Variants in CCDC172 observed in about 807,000 individuals in gnomAD.
CCDC172 encodes coiled-coil domain-containing protein 172.
CCDC172 carries 30 observed loss-of-function variants against 38.0 expected under a neutral mutation model. The ratio of observed to expected loss-of-function variants is 0.79; its 90% CI spans 0.59 to 1.07. CCDC172 has a LOEUF of 1.07. Among genes scored for constraint, CCDC172 ranks in the 50% least tolerant of loss-of-function variants. The pLI is 0.00. For synonymous variants in CCDC172, 78 were observed against 88.3 expected (o/e 0.88, Z 0.66); for missense variants, 297 against 290.1 (o/e 1.02, Z -0.17).
chr10:116,346,077 A>G (rs1480678085), intron 5 of CCDC172, among the ~76,000 whole-genome samples: 1 of 151,958 alleles, frequency 6.6e-6, no homozygotes. Flanking sequence ...GGCGGATCAC[A>G]AGGTCAGGAG....
rs72839536 is a variant in CCDC172, at chr10:116,346,033, C to T, written c.448+3832C>T. Among the ~76,000 whole-genome samples, 693 of 152,048 alleles carry T rather than the reference C, an allele frequency of 4.6e-3. 1 individual carries two copies. The highest frequency in any genetic ancestry group is 7.1e-3 in the Non-Finnish European group (481 of 67,980). The stretch of plus-strand genomic sequence containing the variant: ...AAAAATTGAACATAACTTAAATGTC[C>T]GTTAAGAAGTGAATGGTTTCGGAGG... On this transcript the variant is annotated intron_variant, in intron 5 of 8. Coordinates refer to ENST00000333254, the MANE Select transcript of CCDC172 (RefSeq NM_198515.3).
At chr10:116,326,342 C>G (rs1386802421) in intron 3 of CCDC172, among the ~76,000 whole-genome samples, 1 of 152,112 alleles carries the variant, frequency 6.6e-6, no homozygotes, top group Non-Finnish European at 1.5e-5. Flanking sequence ...ACAATGAAGG[C>G]CTCGCTATGG....
chr10:116,348,149 G>T (rs2134934415), intron 5 of CCDC172, among the ~76,000 whole-genome samples: 1 of 151,844 alleles, frequency 6.6e-6, no homozygotes, highest in Admixed American at 6.6e-5. Context: ...GGGTTCAAAA[G>T]AATTAACCTA....
intron 5 of CCDC172, among the ~76,000 whole-genome samples, chr10:116,348,561 T>G (rs1844894142): frequency 6.6e-6 from 1 of 152,346 alleles, no homozygotes; most frequent in African/African-American, 2.4e-5. Flanking sequence ...AACCACAGGA[T>G]TGGAGCCTAT....
intron 7 of CCDC172, among the ~76,000 whole-genome samples, chr10:116,371,759 T>C (rs1310114944): frequency 1.3e-5 from 2 of 152,056 alleles, no homozygotes; most frequent in African/African-American, 4.8e-5. Context: ...GACTATAACA[T>C]TTAAAGACAA....
At chr10:116,331,598 A>G (rs1039583442) in intron 3 of CCDC172, among the ~76,000 whole-genome samples, 1 of 152,096 alleles carries the variant, frequency 6.6e-6, no homozygotes, top group African/African-American at 2.4e-5. Flanking sequence ...AATTTTTCTC[A>G]TAGAATCCTG....
Position 116,325,406 on chromosome 10 carries a change from A to G in CCDC172, c.165+18A>G, listed in dbSNP as rs1844579520. 6.3e-7 allele frequency: 1 copy of G among 1,590,394 alleles called. No individual in the cohort carries two copies. Among genetic ancestry groups the G allele is most frequent in the Non-Finnish European group, 8.6e-7 (1 of 1,162,194 alleles). ...AATCTAAGGTATTGAAATGTAAAGC[A>G]TACTAATTATCACTTGAAAAAGCCT... On this transcript the variant is annotated intron_variant, in intron 3 of 8. Coordinates refer to ENST00000333254, the MANE Select transcript of CCDC172 (RefSeq NM_198515.3).
chr10:116,346,591 A>G (rs1191727321), intron 5 of CCDC172, among the ~76,000 whole-genome samples: 2 of 152,056 alleles, frequency 1.3e-5, no homozygotes, highest in Non-Finnish European at 2.9e-5. Context: ...GTGACTGTCA[A>G]AAGTCATGAA....
chr10:116,342,309 C>A, intron 5 of CCDC172, 108 bp downstream of exon 5: 1 of 823,158 alleles, frequency 1.2e-6, no homozygotes, highest in Non-Finnish European at 1.9e-6. Context: ...TGGGTTATTG[C>A]ATAGCGATTC....
At chr10:116,350,970 T>C (rs1381497450) in intron 5 of CCDC172, among the ~76,000 whole-genome samples, 1 of 152,002 alleles carries the variant, frequency 6.6e-6, no homozygotes, top group Admixed American at 6.6e-5. Flanking sequence ...ACAAACACAG[T>C]GTTTACTTTT....
At chr10:116,341,559 G>A (rs1589950261) in intron 4 of CCDC172, among the ~76,000 whole-genome samples, 5 of 151,968 alleles carry the variant, frequency 3.3e-5, no homozygotes, top group Non-Finnish European at 5.9e-5. Flanking sequence ...TGATTTTGAA[G>A]TGAATATATA....
rs781738385 is a variant in CCDC172 at position 116,325,323 on chromosome 10, TGTC to T, written c.103_105del (p.Arg35del). 3 of 1,613,562 alleles carry T rather than the reference TGTC, an allele frequency of 1.9e-6. No homozygotes were observed. The highest frequency in any genetic ancestry group is 1.3e-5 in the African/African-American group (1 of 74,994). ...TACAGTAAGGTCGGAAATAACCAGA[TGTC>T]GTGAAAAAATTAAGAAAGCAACGGA... is the stretch of plus-strand genomic sequence containing the variant. On this transcript the variant is annotated inframe_deletion, in exon 3 of 9. Coordinates refer to ENST00000333254, the MANE Select transcript of CCDC172 (RefSeq NM_198515.3).
intron 7 of CCDC172, among the ~76,000 whole-genome samples, chr10:116,364,159 A>G (rs1031761058): frequency 6.6e-6 from 1 of 152,166 alleles, no homozygotes; most frequent in Non-Finnish European, 1.5e-5. Context: ...TGTACCGTAC[A>G]GTAGGCTAGT....
At position 116,325,826 on chromosome 10, in the gene CCDC172, C is replaced by G. The variant is rs996361130; in HGVS notation, c.165+438C>G. Among the ~76,000 whole-genome samples the G allele has an allele frequency of 5.9e-5, 9 of 152,310 alleles. No individual in the cohort carries two copies. The East Asian group carries it at 9.7e-4, about 16-fold the overall frequency. ...AAGTCTCTACCACATTTTAGACATG[C>G]CTTGCGTCCGAAGTATACCTTTTCC... On this transcript the variant is annotated intron_variant, in intron 3 of 8. Coordinates refer to ENST00000333254, the MANE Select transcript of CCDC172 (RefSeq NM_198515.3).
chr10:116,343,723 A>G (rs1936323503), intron 5 of CCDC172, among the ~76,000 whole-genome samples: 1 of 152,052 alleles, frequency 6.6e-6, no homozygotes, highest in Non-Finnish European at 1.5e-5. Context: ...GGCTCACTTC[A>G]TTAGGGAAAA....
At chr10:116,329,511 C>T (rs1170036895) in intron 3 of CCDC172, among the ~76,000 whole-genome samples, 1 of 152,124 alleles carries the variant, frequency 6.6e-6, no homozygotes, top group Admixed American at 6.6e-5. Context: ...ACTAGGACAG[C>T]CCCATGCAAA....
At chr10:116,369,493 C>T (rs1481367155) in intron 7 of CCDC172, among the ~76,000 whole-genome samples, 4 of 151,678 alleles carry the variant, frequency 2.6e-5, no homozygotes, top group East Asian at 1.9e-4. Flanking sequence ...TGTATCTTTC[C>T]GTTTTTTATT....
chr10:116,367,258 T>C (rs1845134560), intron 7 of CCDC172, among the ~76,000 whole-genome samples: 1 of 152,190 alleles, frequency 6.6e-6, no homozygotes, highest in South Asian at 2.1e-4. Context: ...GGATTTTGAA[T>C]GTTCTCATGA....
In CCDC172 at chr10:116,324,480, T is replaced by C. The variant is rs1357632503; in HGVS notation, c.-199T>C. 1.3e-5 allele frequency: 2 copies of C among 153,440 alleles called. No individual in the cohort carries two copies. Among genetic ancestry groups the C allele is most frequent in the African/African-American group, 4.8e-5 (2 of 41,464 alleles). 9.5% of individuals were successfully genotyped at this position (153,440 alleles called of 1,614,324 possible). On this transcript the variant is annotated 5_prime_UTR_variant, in exon 1 of 9. Coordinates refer to ENST00000333254, the MANE Select transcript of CCDC172 (RefSeq NM_198515.3). Reference sequence around the variant, plus strand: ...CCAGCCTTAGGGAAGGTTTTGGCCGTGGGTTTTGTTGGCACGTACCATTTT... The same window carrying C: ...CCAGCCTTAGGGAAGGTTTTGGCCGCGGGTTTTGTTGGCACGTACCATTTT...
Sources: gnomAD v4.1 joint callset for allele counts (sites outside exome capture counted in the v4.1 genomes callset) on GRCh38, gnomAD v4.1.1 for gene constraint, MANE v1.5 for transcripts, NCBI Gene and HGNC (gene_info 2026-07-23, HGNC 2026-07-21) for gene names.